Variants in EYS observed in about 807,000 individuals in gnomAD.
EYS encodes protein eyes shut homolog.
Under a neutral mutation model 282.1 loss-of-function variants are expected in EYS, and 250 were observed. The ratio of observed to expected loss-of-function variants is 0.89; its 90% CI spans 0.80 to 0.98. EYS has a LOEUF of 0.98. EYS is among the 50% of genes least tolerant of loss of function. The pLI is 0.00. For synonymous variants in EYS, 1,355 were observed against 1,282.9 expected (o/e 1.06, Z -1.20); for missense variants, 4,016 against 3,709.0 (o/e 1.08, Z -2.15).
chr6:65,264,379 T>A (rs1582078518), intron 12 of EYS, among the ~76,000 whole-genome samples: 1 of 152,292 alleles, frequency 6.6e-6, no homozygotes, highest in African/African-American at 2.4e-5. Flanking sequence ...TTTTCATTAC[T>A]TTTAAACATG....
intron 12 of EYS, among the ~76,000 whole-genome samples, chr6:65,137,147 C>A (rs1020454786): frequency 6.6e-6 from 1 of 151,830 alleles, no homozygotes; most frequent in African/African-American, 2.4e-5. Context: ...AAATAATCAC[C>A]CCAATGTATA....
chr6:64,693,785 A>G (rs986957804), intron 22 of EYS, among the ~76,000 whole-genome samples: 4 of 152,188 alleles, frequency 2.6e-5, no homozygotes, highest in Non-Finnish European at 4.4e-5. Context: ...TATAAAAATT[A>G]AGATACTCTC....
intron 26 of EYS, among the ~76,000 whole-genome samples, chr6:64,532,218 C>T (rs1274662924): frequency 2.6e-5 from 4 of 152,168 alleles, no homozygotes; most frequent in Non-Finnish European, 5.9e-5. Flanking sequence ...TGACAGCTAT[C>T]TGCAAAATAT....
At chr6:64,182,828 C>G (rs2150312411) in intron 31 of EYS, among the ~76,000 whole-genome samples, 1 of 152,216 alleles carries the variant, frequency 6.6e-6, no homozygotes, top group East Asian at 1.9e-4. Flanking sequence ...ACACACTTTC[C>G]TGTGCCTGCC....
chr6:65,376,037 T>C (rs1378708885), intron 8 of EYS, among the ~76,000 whole-genome samples: 5 of 152,096 alleles, frequency 3.3e-5, no homozygotes, highest in African/African-American at 1.2e-4. Context: ...GCCACTAAGA[T>C]ACTCCTTGAG....
At chr6:65,374,906 C>A (rs1421417303) in intron 8 of EYS, among the ~76,000 whole-genome samples, 1 of 152,134 alleles carries the variant, frequency 6.6e-6, no homozygotes, top group Non-Finnish European at 1.5e-5. Context: ...ATAAAACTCC[C>A]ACCTCCCTAG....
intron 19 of EYS, among the ~76,000 whole-genome samples, chr6:64,869,438 GATA>G (rs1446663012): frequency 6.6e-6 from 1 of 151,256 alleles, no homozygotes; most frequent in African/African-American, 2.4e-5. Context: ...TAATAAATGA[GATA>G]ATTACAAACT....
At chr6:64,761,458 A>G (rs1773154262) in intron 22 of EYS, among the ~76,000 whole-genome samples, 1 of 152,142 alleles carries the variant, frequency 6.6e-6, no homozygotes. Context: ...CAAAAATGGT[A>G]TTAATGTTGA....
At chr6:64,606,452 A>G (rs898778817) in intron 24 of EYS, among the ~76,000 whole-genome samples, 1 of 151,990 alleles carries the variant, frequency 6.6e-6, no homozygotes, top group Non-Finnish European at 1.5e-5. Context: ...TAGTTAATAT[A>G]TTATCATTTG....
intron 5 of EYS, among the ~76,000 whole-genome samples, chr6:65,434,906 TTATCTC>T (rs1244850996): frequency 6.6e-6 from 1 of 152,100 alleles, no homozygotes; most frequent in African/African-American, 2.4e-5. Flanking sequence ...TATTATCTAA[TTATCTC>T]TACTATTCCT....
At chr6:64,816,215 T>C (rs1048328415) in intron 21 of EYS, among the ~76,000 whole-genome samples, 1 of 152,108 alleles carries the variant, frequency 6.6e-6, no homozygotes, top group Non-Finnish European at 1.5e-5. Context: ...CCATTCCCTC[T>C]GCAAAGGCCT....
intron 29 of EYS, among the ~76,000 whole-genome samples, chr6:64,333,902 A>T (rs773878088): frequency 3.9e-4 from 59 of 152,196 alleles, no homozygotes; most frequent in Non-Finnish European, 6.6e-4. Context: ...TGGGAGGTCA[A>T]TGGCCCTGGG....
chr6:64,236,028 A>C (rs989331550), intron 30 of EYS, among the ~76,000 whole-genome samples: 2 of 152,192 alleles, frequency 1.3e-5, no homozygotes, highest in Non-Finnish European at 2.9e-5. Flanking sequence ...CAAAAAAGAG[A>C]ATTTTAGACC....
chr6:64,258,062 T>C (rs938300781), intron 30 of EYS, among the ~76,000 whole-genome samples: 2 of 152,068 alleles, frequency 1.3e-5, no homozygotes, highest in African/African-American at 4.8e-5. Context: ...TCTTAGGCTA[T>C]AGAATGCCAT....
chr6:65,397,887 T>A (rs913418722), intron 7 of EYS, among the ~76,000 whole-genome samples: 1 of 152,082 alleles, frequency 6.6e-6, no homozygotes, highest in Non-Finnish European at 1.5e-5. Context: ...TGTGTAAGCA[T>A]ACCCTTCTCT....
chr6:64,513,259 C>G (rs1012794534), intron 26 of EYS, among the ~76,000 whole-genome samples: 7 of 151,842 alleles, frequency 4.6e-5, no homozygotes, highest in Admixed American at 3.9e-4. Context: ...ATTTGAGATG[C>G]TGTGTCCTAT....
At chr6:65,009,092 C>T (rs1209206898) in intron 13 of EYS, among the ~76,000 whole-genome samples, 2 of 152,112 alleles carry the variant, frequency 1.3e-5, no homozygotes, top group African/African-American at 4.8e-5. Context: ...CGTTGGTTGT[C>T]CCCTGCTTGA....
chr6:65,142,348 A>G (rs1238231623), intron 12 of EYS, among the ~76,000 whole-genome samples: 2 of 151,996 alleles, frequency 1.3e-5, no homozygotes, highest in African/African-American at 2.4e-5. Context: ...GAGACTTAAA[A>G]AGAAGTTACA....
intron 10 of EYS, among the ~76,000 whole-genome samples, chr6:65,341,572 T>C (rs1011705552): frequency 6.6e-6 from 1 of 151,262 alleles, no homozygotes; most frequent in Non-Finnish European, 1.5e-5. Flanking sequence ...CTGTGTATTA[T>C]ACAAAACCTT....
Sources: allele counts gnomAD v4.1 joint callset (sites outside exome capture counted in the v4.1 genomes callset), GRCh38; gene constraint gnomAD v4.1.1; transcripts MANE v1.5; gene names NCBI Gene and HGNC (gene_info 2026-07-23, HGNC 2026-07-21).